The following RPN1 variants were observed in gnomAD, a reference collection of about 807,000 sequenced individuals.
RPN1 encodes the protein ribophorin I.
Under a neutral mutation model 55.5 loss-of-function variants are expected in RPN1, and 12 were observed. That is an observed-to-expected ratio of 0.22 (90% CI 0.14 to 0.35). The LOEUF (loss-of-function observed/expected upper bound fraction) is 0.35. RPN1 is among the 10% of genes least tolerant of loss of function. The pLI is 1.00. For synonymous variants in RPN1, 317 were observed against 305.9 expected, an observed-to-expected ratio of 1.04 and a Z score of -0.38; for missense variants, 679 against 761.3, an observed-to-expected ratio of 0.89 and a Z score of 1.27.
At chr3:128,627,906 C>T (rs943851080) in intron 5 of RPN1, among the ~76,000 whole-genome samples, 2 of 152,234 alleles carry the variant, frequency 1.3e-5, no homozygotes, top group Admixed American at 1.3e-4. Context: ...TATTCCAAAA[C>T]AAGCTAAAGG....
chr3:128,623,168 G>C (rs1391669389), intron 8 of RPN1, among the ~76,000 whole-genome samples: 1 of 152,154 alleles, frequency 6.6e-6, no homozygotes, highest in African/African-American at 2.4e-5. Context: ...ACTTTGGGCA[G>C]CTGAGGCAGG....
rs186392170 is a variant in RPN1, at chr3:128,625,525, A to G, written c.1395+9T>C. 31 of 1,614,104 alleles carry G rather than the reference A, an allele frequency of 1.9e-5. No individual in the cohort carries two copies. The highest frequency in any genetic ancestry group is 2.5e-5 in the Non-Finnish European group (30 of 1,180,024). On this transcript the variant is annotated intron_variant, in intron 8 of 9. Transcript: ENST00000296255. The stretch of plus-strand genomic sequence containing the variant: ...CAAATGACAAGCAGGAAGAAGGCAG[A>G]GACGGTACCTTGGTGATGGAGAAGT...
At chr3:128,633,082 C>A (rs758637655) in intron 3 of RPN1, among the ~76,000 whole-genome samples, 74 of 152,168 alleles carry the variant, frequency 4.9e-4, no homozygotes, top group Non-Finnish European at 9.8e-4. Context: ...ACAATTCACT[C>A]ATAATCATAT....
chr3:128,627,214 A>G, intron 5 of RPN1: 1 of 246,278 alleles, frequency 4.1e-6, no homozygotes, highest in South Asian at 5.6e-5. Flanking sequence ...TGCCCTGCCT[A>G]ATGGTGAGTG....
intron 6 of RPN1, among the ~76,000 whole-genome samples, chr3:128,626,402 A>G (rs2069600397): frequency 6.6e-6 from 1 of 152,196 alleles, no homozygotes; most frequent in Admixed American, 6.5e-5. Context: ...CACATGAATA[A>G]GAGCTTCTTA....
chr3:128,625,958 G>C lies in RPN1; in HGVS notation c.1191C>G (p.His397Gln). 6.2e-7 allele frequency: 1 copy of C among 1,612,832 alleles called. No individual in the cohort carries two copies. The highest frequency in any genetic ancestry group is 8.5e-7 in the Non-Finnish European group (1 of 1,179,280). Residue 397 changes from histidine to glutamine, a missense_variant, in exon 7 of 10, where the codon CAC (histidine) becomes CAG (glutamine). Physicochemically the swap from His to Gln is conservative, Grantham distance 24 (BLOSUM62 0). Coordinates refer to ENST00000296255, the MANE Select transcript of RPN1 (RefSeq NM_002950.4). Reference protein sequence around the residue: ...YEISRAPDELHYTYLDTFGRP... With the variant: ...YEISRAPDELQYTYLDTFGRP... ...GGCCAAATGTGTCCAGATAGGTGTAGTGCAGCTCATCTGGGGCACGGCTGA... is the reference window on the plus strand; with the variant it reads ...GGCCAAATGTGTCCAGATAGGTGTACTGCAGCTCATCTGGGGCACGGCTGA...
chr3:128,645,680 G>A (rs949865476), intron 1 of RPN1, among the ~76,000 whole-genome samples: 2 of 151,728 alleles, frequency 1.3e-5, no homozygotes, highest in Non-Finnish European at 2.9e-5. Flanking sequence ...AACCAGGCGT[G>A]GTGGCGCTCG....
At position 128,622,316 on chromosome 3, in the gene RPN1, C is replaced by G. The variant is rs1158271671; in HGVS notation, c.1489G>C (p.Asp497His). ...NKRIGLYRHFDETVNRYKQSR... is the reference protein window; with the variant it reads ...NKRIGLYRHFHETVNRYKQSR... ...TGCTTGTACCTATTGACGGTCTCGT[C>G]AAAGTGACGGTAAAGGCCTATTCTC... Residue 497 changes from aspartate to histidine, a missense_variant, in exon 9 of 10, where the codon GAC becomes CAC. Asp to His is a moderately conservative substitution (Grantham distance 81). Coordinates refer to ENST00000296255, the MANE Select transcript of RPN1 (RefSeq NM_002950.4). 1.2e-6 allele frequency: 2 copies of G among 1,614,090 alleles called. No homozygotes were observed. Among genetic ancestry groups the G allele is most frequent in the Admixed American group, 1.7e-5 (1 of 60,010 alleles).
rs149562422 is a variant in RPN1 at position 128,637,874 on chromosome 3, G to A, written c.558C>T (p.Thr186=). Residue 186 remains threonine, a synonymous_variant, in exon 3 of 10, where the codon ACC becomes ACT. Coordinates refer to ENST00000296255, the MANE Select transcript of RPN1 (RefSeq NM_002950.4). ...KLASRNVESY[T]KLGNPTRSED... is the part of the protein sequence containing the mutation. ...CAGAGCGCGTGGGGTTCCCCAGCTT[G>A]GTGTAGCTCTCCACATTTCGAGAGG... is the stretch of plus-strand genomic sequence containing the variant. 184 of 1,614,140 alleles carry A rather than the reference G, an allele frequency of 1.1e-4. 2 individuals carry two copies. The African/African-American group carries it at 2.0e-3, about 17-fold the overall frequency.
In RPN1 at chr3:128,650,639, G is replaced by C. The variant is rs1325577866; in HGVS notation, c.162C>G (p.Val54=). Residue 54 remains valine, a synonymous_variant, in exon 1 of 10, where the codon GTC becomes GTG. Coordinates refer to ENST00000296255, the MANE Select transcript of RPN1 (RefSeq NM_002950.4). ...SHLAKVTAEV[V]LAHLGGGSTS... ...TGGAGCCGCCGCCCAGGTGCGCCAG[G>C]ACCACCTCGGCCGTCACCTTAGCCA... The C allele has an allele frequency of 5.8e-6, 9 of 1,557,386 alleles. No individual in the cohort carries two copies. Among genetic ancestry groups the C allele is most frequent in the Admixed American group, 3.9e-5 (2 of 51,596 alleles).
chr3:128,644,998 G>A lies in RPN1; in HGVS notation c.262-15C>T. On this transcript the variant is annotated splice_polypyrimidine_tract_variant and intron_variant, in intron 1 of 9. Coordinates refer to ENST00000296255, the MANE Select transcript of RPN1 (RefSeq NM_002950.4). ...TCTCCCTTTACCTACAACAGAAAAA[G>A]ATAGTTTATTATTCATGTCTTTTGG... The A allele has an allele frequency of 2.7e-6, 4 of 1,495,498 alleles. No individual in the cohort carries two copies. The highest frequency in any genetic ancestry group is 3.7e-6 in the Non-Finnish European group (4 of 1,072,658). The allele number at this position is 1,495,498 out of a possible 1,614,324, so 92.6% of individuals were successfully genotyped here. A position where few individuals can be genotyped will look rare whatever the true frequency, so the allele number is the denominator to read the frequency against.
At chr3:128,645,072 A>G in intron 1 of RPN1, 89 bp from the exon 2 acceptor site, 5 of 748,676 alleles carry the variant, frequency 6.7e-6, no homozygotes, top group South Asian at 1.5e-5. Context: ...GAACATCCCC[A>G]TTAAAGCAGT....
intron 3 of RPN1, among the ~76,000 whole-genome samples, chr3:128,634,441 A>G (rs1435462455): frequency 6.6e-6 from 1 of 152,178 alleles, no homozygotes; most frequent in Non-Finnish European, 1.5e-5. Flanking sequence ...GACAATAAGC[A>G]TAATAAGTAC....
chr3:128,634,433 C>T (rs561710162), intron 3 of RPN1, among the ~76,000 whole-genome samples: 1 of 151,846 alleles, frequency 6.6e-6, no homozygotes, highest in Non-Finnish European at 1.5e-5. Flanking sequence ...CATAATATGA[C>T]AATAAGCATA....
At chr3:128,630,365 A>C (rs952891744) in intron 4 of RPN1, among the ~76,000 whole-genome samples, 4 of 152,250 alleles carry the variant, frequency 2.6e-5, no homozygotes, top group Non-Finnish European at 5.9e-5. Context: ...TAAACAGTAA[A>C]TAATTAAGGG....
intron 1 of RPN1, among the ~76,000 whole-genome samples, chr3:128,649,576 G>A (rs571217839): frequency 6.6e-6 from 1 of 152,274 alleles, no homozygotes; most frequent in South Asian, 2.1e-4. Context: ...GAAGAAATGT[G>A]ACACTATAAT....
intron 3 of RPN1, among the ~76,000 whole-genome samples, chr3:128,635,655 A>ATC (rs2069674855): frequency 3.5e-5 from 2 of 57,230 alleles, no homozygotes; most frequent in African/African-American, 1.4e-4. Flanking sequence ...ATATATATAT[A>ATC]TATATATATA....
Position 128,626,720 on chromosome 3 carries a change from C to G in RPN1, c.1136+13G>C. On this transcript the variant is annotated intron_variant, in intron 6 of 9. Coordinates refer to ENST00000296255, the MANE Select transcript of RPN1 (RefSeq NM_002950.4). The stretch of plus-strand genomic sequence containing the variant: ...AGAAATCGGGTGCAAAGGAGAGGAA[C>G]AGTCACACTCACTTGGCTCCTTCAG... 6.2e-7 allele frequency: 1 copy of G among 1,611,758 alleles called. No individual in the cohort carries two copies.
At chr3:128,641,424 G>C (rs946688898) in intron 2 of RPN1, among the ~76,000 whole-genome samples, 1 of 151,992 alleles carries the variant, frequency 6.6e-6, no homozygotes, top group African/African-American at 2.4e-5. Context: ...CTTCCTCTGA[G>C]CAAGAGCCAC....
Sources: allele counts gnomAD v4.1 joint callset (sites outside exome capture counted in the v4.1 genomes callset), GRCh38; gene constraint gnomAD v4.1.1; transcripts MANE v1.5; gene names NCBI Gene and HGNC (gene_info 2026-07-23, HGNC 2026-07-21).